Variants in PCDHA3 observed in about 807,000 individuals in gnomAD.
PCDHA3 encodes the protein protocadherin alpha-3.
In PCDHA3, 41 loss-of-function variants were observed where a neutral mutation model predicts 62.2. The ratio of observed to expected loss-of-function variants is 0.66; its 90% CI spans 0.51 to 0.86. The LOEUF is 0.86. PCDHA3 is among the 40% of genes least tolerant of loss of function. The pLI is 0.00. For missense variants in PCDHA3, 1,304 were observed against 1,241.2 expected (o/e 1.05, Z -0.76); for synonymous variants, 640 against 555.4 (o/e 1.15, Z -2.14).
At chr5:140,856,907 A>G (rs2044265676) in intron 1 of PCDHA3, 3 of 1,596,440 alleles carry the variant, frequency 1.9e-6, no homozygotes, top group African/African-American at 2.7e-5. Context: ...GGTCCCACCC[A>G]CGATAAGAAG....
rs141258804 is a variant in PCDHA3, at chr5:140,857,118, C to T, written c.2394+53527C>T. ...GTGATTGTCACTTCTCTGTCTCTCC[C>T]AGTGAAAGAAGATGCTCAAGTGGGC... On this transcript the variant is annotated intron_variant, in intron 1 of 3. Transcript: ENST00000522353. 2.7e-5 allele frequency: 43 copies of T among 1,597,878 alleles called. 6 individuals are homozygous for T. Among genetic ancestry groups the T allele is most frequent in the Non-Finnish European group, 3.3e-5 (38 of 1,167,604 alleles).
chr5:140,928,161 C>A, intron 1 of PCDHA3: 3 of 1,613,960 alleles, frequency 1.9e-6, no homozygotes, highest in East Asian at 2.2e-5. Context: ...GTGGCTCACC[C>A]CCACTTAGCA....
At chr5:140,999,713 G>A (rs533034174) in intron 3 of PCDHA3, among the ~76,000 whole-genome samples, 2 of 152,226 alleles carry the variant, frequency 1.3e-5, no homozygotes, top group South Asian at 4.2e-4. Flanking sequence ...AGCTAACTAC[G>A]GAGACCAGCC....
chr5:140,914,318 T>C (rs2076678777), intron 1 of PCDHA3, among the ~76,000 whole-genome samples: 6 of 152,216 alleles, frequency 3.9e-5, no homozygotes, highest in Admixed American at 3.9e-4. Flanking sequence ...CCCATTATCA[T>C]TGTACAAAGA....
chr5:140,875,902 G>C (rs192382804), intron 1 of PCDHA3: 14 of 1,614,160 alleles, frequency 8.7e-6, no homozygotes, highest in Non-Finnish European at 1.2e-5. Flanking sequence ...ACCTGTTTCT[G>C]AATCTGCGCC....
chr5:140,902,185 T>TTCTC (rs370111655), intron 1 of PCDHA3, among the ~76,000 whole-genome samples: 1 of 150,794 alleles, frequency 6.6e-6, no homozygotes, highest in African/African-American at 2.4e-5. Context: ...CCTTTATGTC[T>TTCTC]TCTCTCTCTC....
chr5:140,823,840 G>T, intron 1 of PCDHA3: 1 of 1,613,840 alleles, frequency 6.2e-7, no homozygotes, highest in East Asian at 2.2e-5. Flanking sequence ...TGTGGGTCCC[G>T]AGGCTGCCCT....
chr5:140,909,970 G>A (rs76359002), intron 1 of PCDHA3, among the ~76,000 whole-genome samples: 2,125 of 152,312 alleles, frequency 0.014, 45 homozygotes, highest in African/African-American at 0.049. Flanking sequence ...CATGGGGAAG[G>A]ATGGGAGAAA....
intron 1 of PCDHA3, among the ~76,000 whole-genome samples, chr5:140,874,080 C>A (rs2054679872): frequency 6.6e-6 from 1 of 152,142 alleles, no homozygotes; most frequent in South Asian, 2.1e-4. Flanking sequence ...CTGATGACAT[C>A]AAAATTCAAA....
Position 140,848,429 on chromosome 5 carries a change from G to A in PCDHA3, c.2394+44838G>A. Reference sequence around the variant, plus strand: ...GCGAACACAGCAGAATGGGACTGACGAAATCAGATGATTTCTTCTAATTTG... The same window carrying A: ...GCGAACACAGCAGAATGGGACTGACAAAATCAGATGATTTCTTCTAATTTG... On this transcript the variant is annotated intron_variant, in intron 1 of 3. Transcript: ENST00000522353. 4.1e-6 allele frequency: 6 copies of A among 1,456,724 alleles called. 1 individual carries two copies. Among genetic ancestry groups the A allele is most frequent in the South Asian group, 1.3e-5 (1 of 77,796 alleles). The allele number at this position is 1,456,724 out of a possible 1,614,324, so 90.2% of individuals were successfully genotyped here.
chr5:140,853,847 G>T, intron 1 of PCDHA3: 1 of 986,430 alleles, frequency 1.0e-6, no homozygotes, highest in Non-Finnish European at 1.2e-6. Flanking sequence ...TAGATCCATA[G>T]CCCTATTTGA....
intron 1 of PCDHA3, among the ~76,000 whole-genome samples, chr5:140,950,995 C>T (rs1554219713): frequency 6.6e-6 from 1 of 151,856 alleles, no homozygotes; most frequent in Non-Finnish European, 1.5e-5. Flanking sequence ...TCTTTTAGCT[C>T]CATTTTTCCC....
rs2150473492 is a variant in PCDHA3 at position 140,850,211 on chromosome 5, C to T, written c.2394+46620C>T. 11 of 1,593,428 alleles carry T rather than the reference C, an allele frequency of 6.9e-6. 1 individual carries two copies. Among genetic ancestry groups the T allele is most frequent in the Non-Finnish European group, 9.4e-6 (11 of 1,167,634 alleles). ...CGCTGCTGACACCTCGGATGAGGGG[C>T]ACTGACGGCGCAGTGAGCGAGATGG... On this transcript the variant is annotated intron_variant, in intron 1 of 3. Coordinates refer to ENST00000522353, the MANE Select transcript of PCDHA3 (RefSeq NM_018906.3).
chr5:140,989,019 T>C (rs1429425323), intron 3 of PCDHA3: 1 of 152,238 alleles, frequency 6.6e-6, no homozygotes, highest in East Asian at 1.9e-4. Context: ...TATAGTTTCT[T>C]CAGTTATCAT....
Position 140,801,924 on chromosome 5 carries a change from G to A in PCDHA3, c.727G>A (p.Glu243Lys). The A allele has an allele frequency of 6.2e-7, 1 of 1,614,206 alleles. No individual in the cohort carries two copies. The highest frequency in any genetic ancestry group is 8.5e-7 in the Non-Finnish European group (1 of 1,180,046). Reference protein sequence around the residue: ...LDVNDNAPAFERTIYKVRLLE... With the variant: ...LDVNDNAPAFKRTIYKVRLLE... ...TGTAAACGACAACGCCCCAGCGTTTGAGAGGACGATCTATAAAGTCAGATT... is the reference window on the plus strand; with the variant it reads ...TGTAAACGACAACGCCCCAGCGTTTAAGAGGACGATCTATAAAGTCAGATT... The change falls in exon 1 of 4, where the codon GAG (glutamate) becomes AAG (lysine). Residue 243 changes from glutamate to lysine, a missense_variant. Glu to Lys is a moderately conservative substitution (Grantham distance 56). Transcript: ENST00000522353.
chr5:140,945,947 ACCCTGAAAG>A (rs1554217229), intron 1 of PCDHA3, among the ~76,000 whole-genome samples: 1 of 152,132 alleles, frequency 6.6e-6, no homozygotes, highest in Admixed American at 6.5e-5. Flanking sequence ...TTTTTATATG[ACCCTGAAAG>A]CACAGGCAAT....
intron 1 of PCDHA3, chr5:140,829,335 G>A: frequency 6.2e-7 from 1 of 1,614,232 alleles, no homozygotes. Flanking sequence ...GCCCTGGACC[G>A]CGAGAGCGTG....
chr5:140,838,077 AGT>A (rs2150283763), intron 1 of PCDHA3, among the ~76,000 whole-genome samples: 14,554 of 79,570 alleles, frequency 0.18, 836 homozygotes, highest in Admixed American at 0.23. Context: ...ATATATATAT[AGT>A]GTGTGTGTGT....
At chr5:140,873,963 T>G (rs1048862313) in intron 1 of PCDHA3, among the ~76,000 whole-genome samples, 2 of 152,206 alleles carry the variant, frequency 1.3e-5, no homozygotes, top group East Asian at 3.8e-4. Flanking sequence ...GCCCAGCCTA[T>G]TTTTTAAAAT....
Sources: gnomAD v4.1 joint callset for allele counts (sites outside exome capture counted in the v4.1 genomes callset) on GRCh38, gnomAD v4.1.1 for gene constraint, MANE v1.5 for transcripts, NCBI Gene and HGNC (gene_info 2026-07-23, HGNC 2026-07-21) for gene names.